Variants in BTBD9 observed in about 807,000 individuals in gnomAD.
BTBD9 encodes BTB domain containing 9.
In BTBD9, 49 loss-of-function variants were observed where a neutral mutation model predicts 64.3. The observed-to-expected ratio is 0.76, with a 90% confidence interval of 0.61 to 0.97. The LOEUF is 0.97. Ranked by LOEUF, BTBD9 falls within the 50% of genes least tolerant of loss-of-function variation. BTBD9 has a pLI of 0.00. For missense variants in BTBD9, 598 were observed against 762.1 expected, an observed-to-expected ratio of 0.78 and a Z score of 2.53; for synonymous variants, 260 against 274.7, an observed-to-expected ratio of 0.95 and a Z score of 0.53.
intron 6 of BTBD9, among the ~76,000 whole-genome samples, chr6:38,398,665 C>G (rs1766797320): frequency 6.6e-6 from 1 of 152,048 alleles, no homozygotes; most frequent in East Asian, 1.9e-4. Context: ...GAAGGAAACC[C>G]CCAAAGAAGT....
intron 9 of BTBD9, among the ~76,000 whole-genome samples, chr6:38,207,018 G>T (rs1762678786): frequency 6.6e-6 from 1 of 152,132 alleles, no homozygotes; most frequent in Admixed American, 6.5e-5. Flanking sequence ...TACCCCTAGA[G>T]CCAGCAATTC....
At chr6:38,359,826 G>A (rs1764880824) in intron 6 of BTBD9, among the ~76,000 whole-genome samples, 1 of 152,026 alleles carries the variant, frequency 6.6e-6, no homozygotes, top group Non-Finnish European at 1.5e-5. Flanking sequence ...TTAAGCTTTG[G>A]GGGTTGTGGC....
intron 6 of BTBD9, among the ~76,000 whole-genome samples, chr6:38,397,946 G>A (rs1003292595): frequency 1.3e-5 from 2 of 152,228 alleles, no homozygotes; most frequent in African/African-American, 4.8e-5. Flanking sequence ...AGGAGCAGGA[G>A]TGCGGTACTA....
intron 4 of BTBD9, among the ~76,000 whole-genome samples, chr6:38,586,530 A>G (rs1012425259): frequency 6.6e-6 from 1 of 152,174 alleles, no homozygotes; most frequent in Non-Finnish European, 1.5e-5. Flanking sequence ...ATTAGTCTCT[A>G]TATCCCAGTC....
chr6:38,249,230 C>T (rs1415264542), intron 9 of BTBD9, among the ~76,000 whole-genome samples: 1 of 152,132 alleles, frequency 6.6e-6, no homozygotes, highest in African/African-American at 2.4e-5. Context: ...GATTTGTTCT[C>T]TGCAATCGCC....
At position 38,271,481 on chromosome 6, in the gene BTBD9, T is replaced by C. The variant is rs572729883; in HGVS notation, c.1455-14965A>G. Among the ~76,000 whole-genome samples the C allele has an allele frequency of 9.6e-4, 146 of 152,202 alleles. 1 individual carries two copies. The highest frequency in any genetic ancestry group is 3.5e-3 in the African/African-American group (144 of 41,514). The stretch of plus-strand genomic sequence containing the variant: ...CACTTTTACCTGTATGGGCCAGAAA[T>C]GTTAGTGAGGAAAGGAACTGAATGG... On this transcript the variant is annotated intron_variant, in intron 8 of 10. Transcript: ENST00000481247.
intron 6 of BTBD9, among the ~76,000 whole-genome samples, chr6:38,438,220 G>T: frequency 2.0e-5 from 1 of 49,894 alleles, no homozygotes; most frequent in Admixed American, 1.9e-4. Flanking sequence ...GGGAGGGAGG[G>T]AGGGAGGGAG....
intron 4 of BTBD9, among the ~76,000 whole-genome samples, chr6:38,583,313 A>G (rs567771181): frequency 6.6e-6 from 1 of 152,240 alleles, no homozygotes; most frequent in South Asian, 2.1e-4. Context: ...CAACCTGACC[A>G]ACATGGTGAA....
intron 6 of BTBD9, among the ~76,000 whole-genome samples, chr6:38,351,706 A>G (rs1206626546): frequency 1.3e-5 from 2 of 151,814 alleles, no homozygotes; most frequent in East Asian, 1.9e-4. Flanking sequence ...TCACCATGTT[A>G]GCCAGTATGG....
chr6:38,410,247 G>T (rs1767358977), intron 6 of BTBD9, among the ~76,000 whole-genome samples: 1 of 152,040 alleles, frequency 6.6e-6, no homozygotes, highest in Admixed American at 6.6e-5. Flanking sequence ...GAGGCGGGAG[G>T]ATCACTTGAG....
chr6:38,367,104 A>G (rs1001723527), intron 6 of BTBD9, among the ~76,000 whole-genome samples: 3 of 152,212 alleles, frequency 2.0e-5, no homozygotes, highest in Admixed American at 2.0e-4. Context: ...AATACAGATA[A>G]ACGATTTCTG....
Position 38,329,109 on chromosome 6 carries a change from T to C in BTBD9, c.1264+15875A>G, listed in dbSNP as rs184557976. The stretch of plus-strand genomic sequence containing the variant: ...TTATTTCCCTATATTATGAAATGTA[T>C]GAATATTCAGAAATTTTGATGTGTG... On this transcript the variant is annotated intron_variant, in intron 7 of 10. Transcript: ENST00000481247. Among the ~76,000 whole-genome samples, 313 of 152,072 alleles carry C rather than the reference T, an allele frequency of 2.1e-3. 2 individuals are homozygous for C. Among genetic ancestry groups the C allele is most frequent in the Admixed American group, 4.1e-3 (62 of 15,266 alleles).
At chr6:38,329,696 T>C (rs764401656) in intron 7 of BTBD9, among the ~76,000 whole-genome samples, 5 of 152,272 alleles carry the variant, frequency 3.3e-5, no homozygotes, top group Admixed American at 6.5e-5. Context: ...GGCTCACGCA[T>C]GTAATCTTAA....
intron 7 of BTBD9, among the ~76,000 whole-genome samples, chr6:38,339,919 G>A (rs1764035898): frequency 6.6e-6 from 1 of 152,112 alleles, no homozygotes; most frequent in Non-Finnish European, 1.5e-5. Flanking sequence ...TATTTCTAGA[G>A]ACAGAAGGAC....
intron 7 of BTBD9, among the ~76,000 whole-genome samples, chr6:38,311,488 G>T (rs915801369): frequency 6.6e-6 from 1 of 152,196 alleles, no homozygotes; most frequent in Non-Finnish European, 1.5e-5. Flanking sequence ...TATTGATGGA[G>T]ACTTAACGTT....
intron 7 of BTBD9, among the ~76,000 whole-genome samples, chr6:38,319,164 C>T (rs1343479793): frequency 1.3e-5 from 2 of 152,050 alleles, no homozygotes; most frequent in Non-Finnish European, 1.5e-5. Context: ...GCAGTAGGTT[C>T]CCCTCTGGAC....
At chr6:38,227,722 T>G (rs147439647) in intron 9 of BTBD9, among the ~76,000 whole-genome samples, 1 of 152,258 alleles carries the variant, frequency 6.6e-6, no homozygotes, top group African/African-American at 2.4e-5. Flanking sequence ...TCTGAGAGTA[T>G]AATGGAGAAG....
Position 38,538,154 on chromosome 6 carries a change from A to C in BTBD9, c.1154+39446T>G, listed in dbSNP as rs567068546. Reference sequence around the variant, plus strand: ...TTAGAATCCAAAACCACTCTTTGCAAATTTATAGTACTGAAGTACTAATTT... The same window carrying C: ...TTAGAATCCAAAACCACTCTTTGCACATTTATAGTACTGAAGTACTAATTT... On this transcript the variant is annotated intron_variant, in intron 6 of 10. Transcript: ENST00000481247. Among the ~76,000 whole-genome samples, 5 of 152,336 alleles carry C rather than the reference A, an allele frequency of 3.3e-5. No homozygotes were observed. In the South Asian group the frequency reaches 8.3e-4, roughly 25 times the overall value.
intron 7 of BTBD9, among the ~76,000 whole-genome samples, chr6:38,296,068 A>C (rs577433936): frequency 6.6e-6 from 1 of 152,286 alleles, no homozygotes; most frequent in South Asian, 2.1e-4. Context: ...AAACAAAAAC[A>C]AAAAAAGATC....
Sources: gnomAD v4.1 joint callset for allele counts (sites outside exome capture counted in the v4.1 genomes callset) on GRCh38, gnomAD v4.1.1 for gene constraint, MANE v1.5 for transcripts, NCBI Gene and HGNC (gene_info 2026-07-23, HGNC 2026-07-21) for gene names.